RHOBTB3: variants seen among roughly 807,000 people sequenced by gnomAD.
RHOBTB3 encodes Rho related BTB domain containing 3, also known as rho-related BTB domain-containing protein 3.
RHOBTB3 carries 47 observed loss-of-function variants against 67.2 expected under a neutral mutation model. That is an observed-to-expected ratio of 0.70 (90% CI 0.55 to 0.89). The LOEUF (loss-of-function observed/expected upper bound fraction) is 0.89. RHOBTB3 is among the 40% of genes least tolerant of loss of function. The pLI, the probability that RHOBTB3 is intolerant of heterozygous loss-of-function variation, is 0.00. For synonymous variants in RHOBTB3, 273 were observed against 274.2 expected, an observed-to-expected ratio of 1.00 and a Z score of 0.04; for missense variants, 631 against 750.0, an observed-to-expected ratio of 0.84 and a Z score of 1.85.
chr5:95,793,088 A>G lies in RHOBTB3; in HGVS notation c.1750A>G (p.Arg584Gly), dbSNP rs1746464506. The G allele has an allele frequency of 6.2e-7, 1 of 1,613,542 alleles. No individual in the cohort carries two copies. Among genetic ancestry groups the G allele is most frequent in the Admixed American group, 1.7e-5 (1 of 59,906 alleles). Residue 584 changes from arginine (R) to glycine (G), a missense_variant, in exon 12 of 12, where the codon AGA becomes GGA. Transcript: ENST00000379982. Reference sequence around the variant, plus strand: ...AGAACGCAGTTTTGTTGAAAAGCACAGATGGCCGTCGAATATGTACTTGAA... The same window carrying G: ...AGAACGCAGTTTTGTTGAAAAGCACGGATGGCCGTCGAATATGTACTTGAA... ...VEERSFVEKHRWPSNMYLKQL... is the reference protein window; with the variant it reads ...VEERSFVEKHGWPSNMYLKQL...
chr5:95,769,282 G>A, intron 8 of RHOBTB3: 1 of 433,504 alleles, frequency 2.3e-6, no homozygotes, highest in East Asian at 6.2e-5. Flanking sequence ...AGCTAAGCTT[G>A]TTGCCAGTAA....
intron 8 of RHOBTB3, among the ~76,000 whole-genome samples, chr5:95,775,069 T>C (rs901719970): frequency 7.9e-5 from 12 of 152,232 alleles, no homozygotes; most frequent in African/African-American, 2.9e-4. Context: ...GTGAGAGTGC[T>C]TAAAACACCT....
rs752524129 is a variant in RHOBTB3, at chr5:95,731,955, T to C, written c.99T>C (p.Pro33=). The C allele has an allele frequency of 1.1e-5, 18 of 1,614,014 alleles. No homozygotes were observed. In the East Asian group the frequency reaches 4.0e-4, roughly 36 times the overall value. Residue 33 remains proline (P), a synonymous_variant, in exon 2 of 12, where the codon CCT becomes CCC. Coordinates refer to ENST00000379982, the MANE Select transcript of RHOBTB3 (RefSeq NM_014899.4). ...TCCGCACTTACCTGGGGAGAAGCCC[T>C]CTGGTCTCCGGGGACGAGAGCAGCT... ...GLIRTYLGRS[P]LVSGDESSLL... is the part of the protein sequence containing the mutation.
chr5:95,760,022 G>A (rs879100521), intron 6 of RHOBTB3, among the ~76,000 whole-genome samples: 3 of 151,554 alleles, frequency 2.0e-5, no homozygotes, highest in Non-Finnish European at 4.4e-5. Context: ...TTAACCTTTA[G>A]GAATTTGAAA....
intron 5 of RHOBTB3, among the ~76,000 whole-genome samples, chr5:95,754,943 G>A (rs1161893058): frequency 6.6e-6 from 1 of 152,078 alleles, no homozygotes; most frequent in Non-Finnish European, 1.5e-5. Context: ...TGTGAGATTG[G>A]GTTCTTTGGA....
chr5:95,744,672 C>T (rs965233461), intron 3 of RHOBTB3, among the ~76,000 whole-genome samples: 1 of 152,114 alleles, frequency 6.6e-6, no homozygotes, highest in Non-Finnish European at 1.5e-5. Context: ...ATATTGGCTT[C>T]CCCCCATCCA....
chr5:95,722,219 A>C (rs1456688761), intron 1 of RHOBTB3, among the ~76,000 whole-genome samples: 1 of 152,174 alleles, frequency 6.6e-6, no homozygotes, highest in African/African-American at 2.4e-5. Context: ...GGAGTGCAGG[A>C]GATGGGGAAG....
intron 8 of RHOBTB3, among the ~76,000 whole-genome samples, chr5:95,775,990 A>G (rs940806813): frequency 1.3e-5 from 2 of 152,212 alleles, no homozygotes; most frequent in African/African-American, 4.8e-5. Context: ...TGCAAAATAC[A>G]CACTTCAAAA....
Position 95,794,177 on chromosome 5 carries a change from A to T in RHOBTB3, c.*1003A>T. The T allele has an allele frequency of 2.6e-6, 1 of 377,498 alleles. No homozygotes were observed. Among genetic ancestry groups the T allele is most frequent in the South Asian group, 2.0e-5 (1 of 50,990 alleles). The allele number at this position is 377,498 out of a possible 1,614,324, so 23.4% of individuals were successfully genotyped here. A position where few individuals can be genotyped will look rare whatever the true frequency, so the allele number is the denominator to read the frequency against. On this transcript the variant is annotated 3_prime_UTR_variant, in exon 12 of 12. Transcript: ENST00000379982. ...TGTTGTGTTGTCTTAGCTTTAAAAC[A>T]GTCACAGTTCTTGCTCTATCATAGA...
intron 2 of RHOBTB3, among the ~76,000 whole-genome samples, chr5:95,735,427 G>A (rs1479422496): frequency 6.6e-6 from 1 of 152,148 alleles, no homozygotes; most frequent in Non-Finnish European, 1.5e-5. Flanking sequence ...GCACTGATGA[G>A]AAGAAGCTCT....
In RHOBTB3 at chr5:95,793,158, G is replaced by A. The variant is rs200421879; in HGVS notation, c.1820G>A (p.Arg607His). 2.5e-5 allele frequency: 40 copies of A among 1,608,798 alleles called. No homozygotes were observed. The highest frequency in any genetic ancestry group is 5.0e-5 in the Admixed American group (3 of 59,476). ...YRKYIHSRKC[R>H]CLVM ...AAGTATATTCACTCCCGGAAATGTC[G>A]TTGCTTAGTAATGTAACCTGGAGCT... The change falls in exon 12 of 12, where the codon CGT becomes CAT. Residue 607 changes from arginine to histidine, a missense_variant. By Grantham distance (29) the Arg-to-His change is conservative. Coordinates refer to ENST00000379982, the MANE Select transcript of RHOBTB3 (RefSeq NM_014899.4).
chr5:95,778,746 C>T (rs1252624352), intron 8 of RHOBTB3, among the ~76,000 whole-genome samples: 1 of 152,176 alleles, frequency 6.6e-6, no homozygotes, highest in Non-Finnish European at 1.5e-5. Flanking sequence ...AATGGCATGA[C>T]CTGTTTGTAT....
At chr5:95,747,211 C>T (rs939402036) in intron 3 of RHOBTB3, among the ~76,000 whole-genome samples, 2 of 152,326 alleles carry the variant, frequency 1.3e-5, no homozygotes, top group East Asian at 3.9e-4. Context: ...CAGCTACCTC[C>T]TTTCCCCAAA....
chr5:95,763,908 A>G (rs1302094412), intron 7 of RHOBTB3, among the ~76,000 whole-genome samples: 1 of 151,918 alleles, frequency 6.6e-6, no homozygotes, highest in African/African-American at 2.4e-5. Context: ...TCCTGGGCTC[A>G]AGTGATATCT....
At chr5:95,769,138 G>A (rs996313484) in intron 8 of RHOBTB3, 16 of 367,538 alleles carry the variant, frequency 4.4e-5, no homozygotes, top group South Asian at 2.1e-4. Context: ...TTTAGCCGAT[G>A]CCGTAGCTGC....
rs541098515 is a variant in RHOBTB3, at chr5:95,736,835, A to G, written c.229-54A>G. On this transcript the variant is annotated intron_variant, in intron 2 of 11. Transcript: ENST00000379982. The stretch of plus-strand genomic sequence containing the variant: ...AAAAATTAATGTCATAAATTATTTC[A>G]GGATTGATTGGACGATAAGTAGACT... 30 of 1,158,522 alleles carry G rather than the reference A, an allele frequency of 2.6e-5. No homozygotes were observed. The Admixed American group carries it at 7.7e-4, about 30-fold the overall frequency. 71.8% of individuals were successfully genotyped at this position (1,158,522 alleles called of 1,614,324 possible). A position where few individuals can be genotyped will look rare whatever the true frequency, so the allele number is the denominator to read the frequency against.
Position 95,748,458 on chromosome 5 carries a change from T to C in RHOBTB3, c.541T>C (p.Phe181Leu), listed in dbSNP as rs1013676244. ...TYLELHSLDD[F>L]YIGKYFGGVL... ...TCTTGAACTCCACAGCCTTGATGAC[T>C]TCTACATAGGAAAGTATTTTGGAGG... is the stretch of plus-strand genomic sequence containing the variant. Residue 181 changes from phenylalanine to leucine, a missense_variant, in exon 4 of 12, where the codon TTC becomes CTC. Physicochemically the swap from Phe to Leu is conservative, Grantham distance 22 (BLOSUM62 0). Coordinates refer to ENST00000379982, the MANE Select transcript of RHOBTB3 (RefSeq NM_014899.4). The C allele has an allele frequency of 1.2e-6, 2 of 1,612,172 alleles. No individual in the cohort carries two copies. The highest frequency in any genetic ancestry group is 2.7e-5 in the African/African-American group (2 of 74,878).
chr5:95,717,905 C>T (rs1754730291), intron 1 of RHOBTB3: 1 of 152,134 alleles, frequency 6.6e-6, no homozygotes, highest in Non-Finnish European at 1.5e-5. Flanking sequence ...TATAGTTATT[C>T]ATTAAACTAT....
rs1221260302 is a variant in RHOBTB3 at position 95,774,345 on chromosome 5, AG to A, written c.1283-5903del. Reference sequence around the variant, plus strand: ...AGTCAGTTTTCCTCTGCTTAGAAAAAGGGGTTGGGAAAATAGATACTGTCTA... The same window carrying A: ...AGTCAGTTTTCCTCTGCTTAGAAAAAGGGTTGGGAAAATAGATACTGTCTA... On this transcript the variant is annotated intron_variant, in intron 8 of 11. Transcript: ENST00000379982. Among the ~76,000 whole-genome samples the A allele has an allele frequency of 3.9e-5, 6 of 152,292 alleles. No individual in the cohort carries two copies. In the South Asian group the frequency reaches 1.0e-3, roughly 26 times the overall value.
Sources: gnomAD v4.1 joint callset for allele counts (sites outside exome capture counted in the v4.1 genomes callset) on GRCh38, gnomAD v4.1.1 for gene constraint, MANE v1.5 for transcripts, NCBI Gene and HGNC (gene_info 2026-07-23, HGNC 2026-07-21) for gene names.